BTG3: variants seen among roughly 807,000 people sequenced by gnomAD.
BTG3 encodes BTG anti-proliferation factor 3.
In BTG3, 4 loss-of-function variants were observed where a neutral mutation model predicts 25.8. The observed-to-expected ratio is 0.16, with a 90% CI of 0.08 to 0.36. BTG3 has a LOEUF of 0.36. BTG3 is among the 10% of genes least tolerant of loss of function. The pLI, the probability that BTG3 is intolerant of heterozygous loss-of-function variation, is 1.00. For missense variants in BTG3, 201 were observed against 304.9 expected (o/e 0.66, Z 2.54); for synonymous variants, 107 against 99.9 (o/e 1.07, Z -0.42).
intron 1 of BTG3, among the ~76,000 whole-genome samples, chr21:17,611,107 G>A (rs2078779720): frequency 6.6e-6 from 1 of 152,208 alleles, no homozygotes; most frequent in African/African-American, 2.4e-5. Context: ...CACCACGACT[G>A]CTGTGCAGCC....
Position 17,598,884 on chromosome 21 carries a change from C to T in BTG3, c.312-60G>A, listed in dbSNP as rs2061536875. 1.5e-5 allele frequency: 20 copies of T among 1,377,396 alleles called. No individual in the cohort carries two copies. In the South Asian group the frequency reaches 2.1e-4, roughly 15 times the overall value. The allele number at this position is 1,377,396 out of a possible 1,614,324, so 85.3% of individuals were successfully genotyped here. Reference sequence around the variant, plus strand: ...GTCACATCAGCAAAGCAAAAAATGTCCATAAAAACAAAGAGATCTGGACAT... The same window carrying T: ...GTCACATCAGCAAAGCAAAAAATGTTCATAAAAACAAAGAGATCTGGACAT... On this transcript the variant is annotated intron_variant, in intron 3 of 4. Transcript: ENST00000348354.
rs368304239 is a variant in BTG3, at chr21:17,612,678, T to C, written c.-9+21A>G. The C allele has an allele frequency of 4.4e-3, 674 of 152,638 alleles. 23 individuals are homozygous for C. The East Asian group carries it at 0.085, about 19-fold the overall frequency. 9.5% of individuals were successfully genotyped at this position (152,638 alleles called of 1,614,324 possible). On this transcript the variant is annotated intron_variant, in intron 1 of 4. Coordinates refer to ENST00000348354, the MANE Select transcript of BTG3 (RefSeq NM_006806.5). The stretch of plus-strand genomic sequence containing the variant: ...CCCACAGCCCCGCCATGTCTGCCTT[T>C]CCCCGGCCCGGTCTCCTCACCGCCG...
chr21:17,611,178 T>C (rs1388445180), intron 1 of BTG3, among the ~76,000 whole-genome samples: 1 of 152,112 alleles, frequency 6.6e-6, no homozygotes, highest in Non-Finnish European at 1.5e-5. Flanking sequence ...TCCACCACGA[T>C]ACGATGGAAA....
intron 1 of BTG3, among the ~76,000 whole-genome samples, chr21:17,609,472 T>G (rs1421644043): frequency 6.6e-6 from 1 of 152,228 alleles, no homozygotes; most frequent in Non-Finnish European, 1.5e-5. Context: ...ACGACATAGA[T>G]GTTACTGTGT....
At position 17,609,095 on chromosome 21, in the gene BTG3, C is replaced by A; in HGVS notation, c.50G>T (p.Arg17Leu). Residue 17 changes from arginine (R) to leucine (L), a missense_variant, in exon 2 of 5, where the codon CGA (arginine) becomes CTA (leucine). Physicochemically the swap from Arg to Leu is moderately radical, Grantham distance 102 (BLOSUM62 -2). This residue lies in a region of BTG3 where 70 missense variants were observed against 175.7 expected (regional missense o/e 0.40). Coordinates refer to ENST00000348354, the MANE Select transcript of BTG3 (RefSeq NM_006806.5). ...CTCTTTTTTCAACTTATCATGTTTT[C>A]GAACTAGCCTTGTGAAAAAGAAGAC... is the stretch of plus-strand genomic sequence containing the variant. ...AVVFFFTRLV[R>L]KHDKLKKEAV... 2 of 1,613,988 alleles carry A rather than the reference C, an allele frequency of 1.2e-6. No individual in the cohort carries two copies. The highest frequency in any genetic ancestry group is 1.7e-6 in the Non-Finnish European group (2 of 1,179,980).
intron 2 of BTG3, among the ~76,000 whole-genome samples, chr21:17,606,361 C>T (rs1479703330): frequency 6.6e-6 from 1 of 152,080 alleles, no homozygotes; most frequent in Non-Finnish European, 1.5e-5. Flanking sequence ...TATATACGTA[C>T]CTATCTTAGC....
chr21:17,609,082 C>T lies in BTG3; in HGVS notation c.63G>A (p.Lys21=). 6.2e-7 allele frequency: 1 copy of T among 1,614,032 alleles called. No homozygotes were observed. Among genetic ancestry groups the T allele is most frequent in the Non-Finnish European group, 8.5e-7 (1 of 1,179,978 alleles). ...FFTRLVRKHD[K]LKKEAVERFA... ...ACCTCTCAACTGCCTCTTTTTTCAA[C>T]TTATCATGTTTTCGAACTAGCCTTG... Residue 21 remains lysine, a synonymous_variant, in exon 2 of 5, where the codon AAG becomes AAA. Transcript: ENST00000348354.
intron 3 of BTG3, among the ~76,000 whole-genome samples, chr21:17,599,963 T>C (rs1027201549): frequency 1.3e-5 from 2 of 152,182 alleles, no homozygotes; most frequent in Admixed American, 6.5e-5. Context: ...TTGAAGAATA[T>C]AGAGGTTTTG....
At chr21:17,605,312 C>T (rs2061624940) in intron 2 of BTG3, among the ~76,000 whole-genome samples, 1 of 152,136 alleles carries the variant, frequency 6.6e-6, no homozygotes, top group Admixed American at 6.6e-5. Context: ...AATTTTAGAA[C>T]TCTGAAGGTA....
chr21:17,599,714 AG>A (rs1382684346), intron 3 of BTG3, among the ~76,000 whole-genome samples: 1 of 152,108 alleles, frequency 6.6e-6, no homozygotes. Flanking sequence ...TCCTGACCTC[AG>A]GTGATCCACC....
At chr21:17,612,526 C>T (rs1445172370) in intron 1 of BTG3, 173 bp downstream of exon 1, 2 of 152,122 alleles carry the variant, frequency 1.3e-5, no homozygotes, top group Non-Finnish European at 2.9e-5. Context: ...CGCAGCCCCG[C>T]TCTGGCGCCG....
chr21:17,598,791 G>A lies in BTG3; in HGVS notation c.345C>T (p.Ala115=). ...YGEKNNAFIV[A]SFENKDENKD... is the part of the protein sequence containing the mutation. Reference sequence around the variant, plus strand: ...TGTTCTCATCTTTATTTTCAAAGCTGGCAACAATGAATGCATTGTTTTTCT... The same window carrying A: ...TGTTCTCATCTTTATTTTCAAAGCTAGCAACAATGAATGCATTGTTTTTCT... Residue 115 remains alanine, a synonymous_variant, in exon 4 of 5, where the codon GCC becomes GCT. Coordinates refer to ENST00000348354, the MANE Select transcript of BTG3 (RefSeq NM_006806.5). The A allele has an allele frequency of 6.2e-7, 1 of 1,613,864 alleles. No homozygotes were observed. Among genetic ancestry groups the A allele is most frequent in the Non-Finnish European group, 8.5e-7 (1 of 1,179,938 alleles).
At chr21:17,598,567 C>A in intron 4 of BTG3, 50 bp downstream of exon 4, 1 of 1,511,686 alleles carries the variant, frequency 6.6e-7, no homozygotes, top group South Asian at 1.2e-5. Context: ...CCTGAAAGGT[C>A]CTGGCAATCC....
intron 3 of BTG3, 45 bp from the exon 4 acceptor site, chr21:17,598,869 C>A (rs1267430026): frequency 2.0e-6 from 3 of 1,497,990 alleles, no homozygotes; most frequent in Admixed American, 2.0e-5. Flanking sequence ...GTCACATCAG[C>A]AAAGCAAAAA....
chr21:17,598,845 T>C (rs2061536070), intron 3 of BTG3, 21 bp from the exon 4 acceptor site: 2 of 1,593,448 alleles, frequency 1.3e-6, no homozygotes, highest in African/African-American at 2.7e-5. Flanking sequence ...AATTAAAAAC[T>C]TACAAATCTT....
intron 3 of BTG3, among the ~76,000 whole-genome samples, chr21:17,601,025 T>C (rs1015121174): frequency 1.1e-4 from 17 of 152,178 alleles, no homozygotes; most frequent in Non-Finnish European, 1.6e-4. Flanking sequence ...TAGCCGGGCA[T>C]GGTGGTGTGC....
chr21:17,603,109 C>T (rs899956515), intron 3 of BTG3, among the ~76,000 whole-genome samples: 4 of 152,160 alleles, frequency 2.6e-5, no homozygotes, highest in African/African-American at 9.7e-5. Context: ...ACTAACTTAA[C>T]TGTGTGTTAA....
chr21:17,599,052 CT>C (rs1408122914), intron 3 of BTG3: 2 of 388,706 alleles, frequency 5.1e-6, no homozygotes, highest in Non-Finnish European at 9.0e-6. Flanking sequence ...ACCCCATTTT[CT>C]TTCCCTTATT....
At chr21:17,606,371 C>T (rs1178086573) in intron 2 of BTG3, among the ~76,000 whole-genome samples, 1 of 152,060 alleles carries the variant, frequency 6.6e-6, no homozygotes, top group South Asian at 2.1e-4. Flanking sequence ...CCTATCTTAG[C>T]GTCACCATTA....
Sources: gnomAD v4.1 joint callset for allele counts (sites outside exome capture counted in the v4.1 genomes callset) on GRCh38, gnomAD v4.1.1 for gene constraint, gnomAD v4.1.1 regional missense constraint, MANE v1.5 for transcripts, NCBI Gene and HGNC (gene_info 2026-07-23, HGNC 2026-07-21) for gene names.